Variants in ERBIN observed in about 807,000 individuals in gnomAD.
The protein encoded by ERBIN is erbb2 interacting protein.
In ERBIN, 60 loss-of-function variants were observed where a neutral mutation model predicts 158.4. That is an observed-to-expected ratio of 0.38 (90% CI 0.31 to 0.47). The LOEUF is 0.47. Among genes scored for constraint, ERBIN ranks in the 20% least tolerant of loss-of-function variants. The pLI, the probability that ERBIN is intolerant of heterozygous loss-of-function variation, is 0.99. For missense variants in ERBIN, 1,610 were observed against 1,648.0 expected, an observed-to-expected ratio of 0.98 and a Z score of 0.40; for synonymous variants, 594 against 557.2, an observed-to-expected ratio of 1.07 and a Z score of -0.93.
intron 1 of ERBIN, among the ~76,000 whole-genome samples, chr5:65,939,534 CCCCTCTCCCTCTCCCCACGGTCT>C (rs1388729456): frequency 1.4e-5 from 2 of 140,788 alleles, no homozygotes; most frequent in African/African-American, 6.5e-5. Flanking sequence ...TTCCCTCTCC[CCCCTCTCCCTCTCCCCACGGTCT>C]CCCTCTCCCT....
At chr5:66,031,487 A>G (rs956017776) in intron 14 of ERBIN, among the ~76,000 whole-genome samples, 3 of 152,212 alleles carry the variant, frequency 2.0e-5, no homozygotes, top group Admixed American at 2.0e-4. Flanking sequence ...AGGGATGTAA[A>G]GGCAAATTTC....
intron 14 of ERBIN, among the ~76,000 whole-genome samples, chr5:66,035,453 G>A (rs1047096794): frequency 5.9e-5 from 9 of 152,154 alleles, no homozygotes; most frequent in African/African-American, 2.2e-4. Context: ...CTTCAGTCCA[G>A]TTGATAGACA....
At chr5:66,058,061 T>C (rs1217743474) in intron 21 of ERBIN, among the ~76,000 whole-genome samples, 1 of 152,116 alleles carries the variant, frequency 6.6e-6, no homozygotes, top group Admixed American at 6.5e-5. Flanking sequence ...GTAATGGGAT[T>C]GCTGGGTCAA....
intron 1 of ERBIN, among the ~76,000 whole-genome samples, chr5:65,950,118 G>A (rs1318789844): frequency 6.6e-6 from 1 of 152,202 alleles, no homozygotes; most frequent in Non-Finnish European, 1.5e-5. Context: ...GGATTCTCCT[G>A]CCTCGGCCTC....
intron 3 of ERBIN, among the ~76,000 whole-genome samples, chr5:65,993,186 T>A (rs868240955): frequency 4.6e-5 from 7 of 152,340 alleles, no homozygotes; most frequent in East Asian, 1.9e-4. Flanking sequence ...TGAGACTAAA[T>A]AATTTCTGGA....
chr5:65,943,284 C>G (rs761128177), intron 1 of ERBIN, among the ~76,000 whole-genome samples: 6 of 152,206 alleles, frequency 3.9e-5, no homozygotes, highest in Non-Finnish European at 7.3e-5. Context: ...ACTCTCTAAT[C>G]AGGCACTTGC....
chr5:66,054,379 T>C lies in ERBIN; in HGVS notation c.3061T>C (p.Tyr1021His). The C allele has an allele frequency of 1.9e-6, 3 of 1,614,162 alleles. No individual in the cohort carries two copies. Among genetic ancestry groups the C allele is most frequent in the Non-Finnish European group, 2.5e-6 (3 of 1,180,020 alleles). Reference protein sequence around the residue: ...PRSESTENQSYAKHSANMNFS... With the variant: ...PRSESTENQSHAKHSANMNFS... ...ATCAGAGAGCACAGAAAATCAAAGTTATGCTAAACATTCTGCCAATATGAA... is the reference window on the plus strand; with the variant it reads ...ATCAGAGAGCACAGAAAATCAAAGTCATGCTAAACATTCTGCCAATATGAA... Residue 1021 changes from tyrosine (Y) to histidine (H), a missense_variant, in exon 21 of 26, where the codon TAT becomes CAT. Physicochemically the swap from Tyr to His is moderately conservative, Grantham distance 83 (BLOSUM62 2). Around this residue, in one of 2 missense-constraint regions of ERBIN, gnomAD observed 1,014 missense variants for 936.1 expected, o/e 1.08. Coordinates refer to ENST00000284037, the MANE Select transcript of ERBIN (RefSeq NM_001253697.2).
Position 66,078,454 on chromosome 5 carries a change from A to G in ERBIN, c.4163A>G (p.His1388Arg), listed in dbSNP as rs774630875. Residue 1388 changes from histidine to arginine, a missense_variant, in exon 26 of 26, where the codon CAT becomes CGT. This residue lies in a region of ERBIN where 1,014 missense variants were observed against 936.1 expected (regional missense o/e 1.08). Coordinates refer to ENST00000284037, the MANE Select transcript of ERBIN (RefSeq NM_001253697.2). ...ANGYSFINIE[H>R]GQAVSLLKTF... ...GGCTACAGTTTTATAAATATTGAACATGGACAAGCAGTGTCCTTGCTAAAA... is the reference window on the plus strand; with the variant it reads ...GGCTACAGTTTTATAAATATTGAACGTGGACAAGCAGTGTCCTTGCTAAAA... The G allele has an allele frequency of 6.3e-7, 1 of 1,586,936 alleles. No homozygotes were observed. Among genetic ancestry groups the G allele is most frequent in the Non-Finnish European group, 8.5e-7 (1 of 1,172,418 alleles).
At position 66,018,675 on chromosome 5, in the gene ERBIN, C is replaced by T. The variant is rs1208113217; in HGVS notation, c.534-2647C>T. Among the ~76,000 whole-genome samples, 6 of 136,318 alleles carry T rather than the reference C, an allele frequency of 4.4e-5. No homozygotes were observed. The East Asian group carries it at 1.2e-3, about 28-fold the overall frequency. The allele number at this position is 136,318 out of a possible 152,430, so 89.4% of individuals were successfully genotyped here. A position where few individuals can be genotyped will look rare whatever the true frequency, so the allele number is the denominator to read the frequency against. ...TGTGTGTGATGAAGTCTTGCTCTGT[C>T]ACCCAGGTTGGAGTGCAGTGGCATG... On this transcript the variant is annotated intron_variant, in intron 7 of 25. Coordinates refer to ENST00000284037, the MANE Select transcript of ERBIN (RefSeq NM_001253697.2).
At chr5:65,997,691 A>T (rs1219645591) in intron 4 of ERBIN, among the ~76,000 whole-genome samples, 1 of 152,210 alleles carries the variant, frequency 6.6e-6, no homozygotes, top group Non-Finnish European at 1.5e-5. Context: ...CTTTATAAAC[A>T]AGTCCCACCA....
chr5:65,978,625 A>G (rs1277775245), intron 1 of ERBIN, among the ~76,000 whole-genome samples: 3 of 152,230 alleles, frequency 2.0e-5, no homozygotes, highest in Non-Finnish European at 2.9e-5. Flanking sequence ...GGCGGATAAT[A>G]TGGAGAGACA....
intron 1 of ERBIN, among the ~76,000 whole-genome samples, chr5:65,965,382 G>GTTGTTTTTTT (rs1748463429): frequency 1.0e-5 from 1 of 96,072 alleles, no homozygotes; most frequent in Non-Finnish European, 2.1e-5. Flanking sequence ...GTTTTTTGTT[G>GTTGTTTTTTT]TTTTTTTTTT....
At chr5:65,946,829 G>A (rs1745820075) in intron 1 of ERBIN, among the ~76,000 whole-genome samples, 1 of 147,408 alleles carries the variant, frequency 6.8e-6, no homozygotes, top group Non-Finnish European at 1.5e-5. Context: ...TATTCTTATA[G>A]ATAAGGAGTA....
chr5:65,949,138 T>C (rs1414217845), intron 1 of ERBIN, among the ~76,000 whole-genome samples: 1 of 152,122 alleles, frequency 6.6e-6, no homozygotes, highest in Non-Finnish European at 1.5e-5. Flanking sequence ...TTGAGAAATA[T>C]TTATATTTAC....
At position 65,984,293 on chromosome 5, in the gene ERBIN, G is replaced by A. The variant is rs146324300; in HGVS notation, c.-57-4342G>A. Among the ~76,000 whole-genome samples, 177 of 122,054 alleles carry A rather than the reference G, an allele frequency of 1.5e-3. 2 individuals carry two copies. Among genetic ancestry groups the A allele is most frequent in the African/African-American group, 5.4e-3 (175 of 32,530 alleles). The allele number at this position is 122,054 out of a possible 152,430, so 80.1% of individuals were successfully genotyped here. On this transcript the variant is annotated intron_variant, in intron 1 of 25. Transcript: ENST00000284037. Reference sequence around the variant, plus strand: ...CTTCTCTCATTTTCTTCACTTATCAGTCTTGTCCTGTTCCACTCAGATCTA... The same window carrying A: ...CTTCTCTCATTTTCTTCACTTATCAATCTTGTCCTGTTCCACTCAGATCTA...
At position 66,024,496 on chromosome 5, in the gene ERBIN, C is replaced by T. The variant is rs372800657; in HGVS notation, c.817+46C>T. The T allele has an allele frequency of 4.3e-5, 66 of 1,528,710 alleles. No individual in the cohort carries two copies. The African/African-American group carries it at 5.4e-4, about 12-fold the overall frequency. The allele number at this position is 1,528,710 out of a possible 1,614,324, so 94.7% of individuals were successfully genotyped here. ...CATGTAATTTTTATTAAAATAAATT[C>T]GAGACTTCCACATAATCTCAAATTT... On this transcript the variant is annotated intron_variant, in intron 10 of 25. Transcript: ENST00000284037.
At chr5:66,007,138 G>A (rs1056611790) in intron 4 of ERBIN, among the ~76,000 whole-genome samples, 20 of 152,058 alleles carry the variant, frequency 1.3e-4, no homozygotes, top group African/African-American at 2.2e-4. Flanking sequence ...TGGAACCAAC[G>A]CAAATGTCCA....
At chr5:65,998,687 A>G (rs935827839) in intron 4 of ERBIN, among the ~76,000 whole-genome samples, 2 of 151,984 alleles carry the variant, frequency 1.3e-5, no homozygotes, top group African/African-American at 4.8e-5. Context: ...CCTTGAGCTC[A>G]GGAGTTTGAG....
intron 21 of ERBIN, among the ~76,000 whole-genome samples, chr5:66,067,179 A>G (rs1250632395): frequency 6.6e-6 from 1 of 152,208 alleles, no homozygotes; most frequent in Non-Finnish European, 1.5e-5. Context: ...GTTTGGGAAA[A>G]TGCAGGTCTG....
Sources: gnomAD v4.1 joint callset for allele counts (sites outside exome capture counted in the v4.1 genomes callset) on GRCh38, gnomAD v4.1.1 for gene constraint, gnomAD v4.1.1 regional missense constraint, MANE v1.5 for transcripts, NCBI Gene and HGNC (gene_info 2026-07-23, HGNC 2026-07-21) for gene names.